The following RTTN variants were observed in gnomAD, a reference collection of about 807,000 sequenced individuals.
RTTN encodes rotatin.
RTTN carries 182 observed loss-of-function variants against 269.2 expected under a neutral mutation model. That is an observed-to-expected ratio of 0.68 (90% CI 0.60 to 0.76). RTTN has a LOEUF of 0.76. Among genes scored for constraint, RTTN ranks in the 30% least tolerant of loss-of-function variants. RTTN has a pLI of 0.00. For missense variants in RTTN, 2,545 were observed against 2,608.6 expected, an observed-to-expected ratio of 0.98 and a Z score of 0.53; for synonymous variants, 1,006 against 963.5, an observed-to-expected ratio of 1.04 and a Z score of -0.82.
intron 31 of RTTN, 77 bp downstream of exon 31, chr18:70,087,912 G>A (rs2058742954): frequency 6.2e-6 from 9 of 1,455,892 alleles, no homozygotes. Flanking sequence ...CCACCATGTT[G>A]AGCGGCAGTC....
At position 70,034,193 on chromosome 18, in the gene RTTN, C is replaced by T. The variant is rs906261094; in HGVS notation, c.5542-3212G>A. ...AAAAAAATGAGAAGTAGGAACTCCTCCTCAATTCATTCTATGAGGCTAGCA... is the reference window on the plus strand; with the variant it reads ...AAAAAAATGAGAAGTAGGAACTCCTTCTCAATTCATTCTATGAGGCTAGCA... On this transcript the variant is annotated intron_variant, in intron 40 of 48. Coordinates refer to ENST00000640769, the MANE Select transcript of RTTN (RefSeq NM_173630.4). Among the ~76,000 whole-genome samples the T allele has an allele frequency of 5.6e-4, 85 of 152,160 alleles. 1 individual carries two copies. Among genetic ancestry groups the T allele is most frequent in the Non-Finnish European group, 4.7e-4 (32 of 68,034 alleles).
intron 33 of RTTN, 66 bp downstream of exon 33, chr18:70,075,286 T>C: frequency 3.5e-6 from 4 of 1,137,058 alleles, no homozygotes; most frequent in South Asian, 1.6e-5. Flanking sequence ...AACAAATATA[T>C]GTATTTTTAA....
chr18:70,199,435 T>C lies in RTTN; in HGVS notation c.557A>G (p.His186Arg), dbSNP rs771590818. 5 of 1,611,864 alleles carry C rather than the reference T, an allele frequency of 3.1e-6. No individual in the cohort carries two copies. The highest frequency in any genetic ancestry group is 1.7e-5 in the Admixed American group (1 of 60,006). The change falls in exon 5 of 49, where the codon CAT (histidine) becomes CGT (arginine). Residue 186 changes from histidine (H) to arginine (R), a missense_variant. Transcript: ENST00000640769. ...PWLPLTTTDR[H>R]VLSSNESSLR... ...GTACCTTTCATTAGAGGAGAGGACA[T>C]GTCTGTCTGTGGTGGTCAGGGGTAG...
At chr18:70,062,607 T>C (rs972252293) in intron 35 of RTTN, among the ~76,000 whole-genome samples, 4 of 58,628 alleles carry the variant, frequency 6.8e-5, no homozygotes, top group South Asian at 9.9e-4. Context: ...TATCCTCCCC[T>C]CTTTTTTTTT....
chr18:70,098,433 AACTT>A (rs1486723997), intron 28 of RTTN, among the ~76,000 whole-genome samples: 1 of 152,140 alleles, frequency 6.6e-6, no homozygotes, highest in African/African-American at 2.4e-5. Context: ...TTTTTTGAAA[AACTT>A]AATGAGATAG....
In RTTN at chr18:70,092,877, C is replaced by T; in HGVS notation, c.3904-73G>A. The T allele has an allele frequency of 2.3e-6, 3 of 1,319,830 alleles. No homozygotes were observed. The East Asian group carries it at 7.4e-5, about 32-fold the overall frequency. The allele number at this position is 1,319,830 out of a possible 1,614,324, so 81.8% of individuals were successfully genotyped here. On this transcript the variant is annotated intron_variant, in intron 28 of 48. Transcript: ENST00000640769. ...TATATAAAGATAAATATATAACTGT[C>T]TACTGACTTGTATGAATTGAATCCT...
chr18:70,010,232 T>A (rs555913739), intron 46 of RTTN, among the ~76,000 whole-genome samples: 5 of 152,156 alleles, frequency 3.3e-5, no homozygotes, highest in Non-Finnish European at 7.4e-5. Context: ...CTGAGCCAAG[T>A]GGACCTAACA....
intron 46 of RTTN, among the ~76,000 whole-genome samples, chr18:70,011,210 A>C (rs1488403021): frequency 6.6e-6 from 1 of 152,200 alleles, no homozygotes; most frequent in Non-Finnish European, 1.5e-5. Flanking sequence ...TCAATAGAAA[A>C]AGAGGGAATC....
intron 46 of RTTN, among the ~76,000 whole-genome samples, chr18:70,011,980 A>G (rs1007083895): frequency 2.0e-5 from 3 of 147,424 alleles, no homozygotes; most frequent in African/African-American, 5.0e-5. Context: ...GCTCACTGGT[A>G]TTGGTTAGAG....
intron 3 of RTTN, among the ~76,000 whole-genome samples, chr18:70,203,577 C>A (rs980249360): frequency 6.6e-6 from 1 of 152,190 alleles, no homozygotes; most frequent in African/African-American, 2.4e-5. Flanking sequence ...GGTCACACAA[C>A]TAGCAGCAGA....
intron 40 of RTTN, among the ~76,000 whole-genome samples, chr18:70,038,588 GCCT>G (rs1256920106): frequency 6.6e-6 from 1 of 152,164 alleles, no homozygotes; most frequent in African/African-American, 2.4e-5. Context: ...TGCCTGGGAA[GCCT>G]CCTCAAGGAG....
intron 28 of RTTN, among the ~76,000 whole-genome samples, chr18:70,101,756 C>T (rs946780986): frequency 2.6e-5 from 4 of 152,122 alleles, no homozygotes; most frequent in African/African-American, 9.7e-5. Flanking sequence ...AAATGTGTCC[C>T]AGAAATTCTG....
chr18:70,143,910 A>C (rs1004666717), intron 18 of RTTN, among the ~76,000 whole-genome samples: 10 of 151,120 alleles, frequency 6.6e-5, no homozygotes, highest in Non-Finnish European at 1.3e-4. Context: ...CCCAGGCTGG[A>C]GTAAAGTGGT....
chr18:70,084,243 T>A (rs1049213209), intron 32 of RTTN, among the ~76,000 whole-genome samples: 15 of 148,768 alleles, frequency 1.0e-4, no homozygotes, highest in African/African-American at 3.2e-4. Context: ...AAAAAAAAAA[T>A]CAAATATTTA....
At chr18:70,042,354 C>T (rs1302750279) in intron 40 of RTTN, among the ~76,000 whole-genome samples, 12 of 129,182 alleles carry the variant, frequency 9.3e-5, no homozygotes, top group African/African-American at 2.9e-4. Context: ...ATTCTAAGGG[C>T]TTTGGAATTT....
chr18:70,127,410 G>T, intron 25 of RTTN, 92 bp downstream of exon 25: 1 of 1,397,960 alleles, frequency 7.2e-7, no homozygotes, highest in South Asian at 1.6e-5. Context: ...GCAGCAGTAA[G>T]GGCATAGACT....
chr18:70,015,386 G>A (rs2056510379), intron 46 of RTTN, among the ~76,000 whole-genome samples: 1 of 152,002 alleles, frequency 6.6e-6, no homozygotes, highest in Non-Finnish European at 1.5e-5. Context: ...TACCAGCAAG[G>A]TCAAGCTCCA....
chr18:70,193,565 T>G, intron 7 of RTTN, 112 bp from the exon 8 acceptor site: 1 of 821,606 alleles, frequency 1.2e-6, no homozygotes, highest in Non-Finnish European at 1.8e-6. Context: ...ATAGTAGGAA[T>G]CCTTCTACAG....
Position 70,188,207 on chromosome 18 carries a change from T to C in RTTN, c.1206A>G (p.Ile402Met), listed in dbSNP as rs2061591133. 3.8e-6 allele frequency: 6 copies of C among 1,599,776 alleles called. No individual in the cohort carries two copies. The highest frequency in any genetic ancestry group is 4.3e-6 in the Non-Finnish European group (5 of 1,168,314). The change falls in exon 10 of 49, where the codon ATA becomes ATG. Residue 402 changes from isoleucine (I) to methionine (M), a missense_variant. Ile to Met is a conservative substitution (Grantham distance 10). Coordinates refer to ENST00000640769, the MANE Select transcript of RTTN (RefSeq NM_173630.4). ...CTGTAAGCAATTCCAGAACTCTTAT[T>C]ATCACTTGTCTGCTACCTAGGAATA... ...PLLRTGSRQV[I>M]IRVLELLTED...
Sources: gnomAD v4.1 joint callset for allele counts (sites outside exome capture counted in the v4.1 genomes callset) on GRCh38, gnomAD v4.1.1 for gene constraint, MANE v1.5 for transcripts, NCBI Gene and HGNC (gene_info 2026-07-23, HGNC 2026-07-21) for gene names.